The following ANK3 variants were observed in gnomAD, a reference collection of about 807,000 sequenced individuals.
The protein encoded by ANK3 is ankyrin 3.
A neutral mutation model predicts 370.9 loss-of-function variants in ANK3; 57 were observed. The observed-to-expected ratio is 0.15, with a 90% confidence interval of 0.12 to 0.19. The LOEUF (loss-of-function observed/expected upper bound fraction) is 0.19. ANK3 is among the 10% of genes least tolerant of loss of function. ANK3 has a pLI of 1.00. For synonymous variants in ANK3, 1,929 were observed against 1,946.3 expected (o/e 0.99, Z 0.23); for missense variants, 4,439 against 5,302.1 (o/e 0.84, Z 5.06).
chr10:60,177,971 T>A (rs1217022755), intron 18 of ANK3, among the ~76,000 whole-genome samples: 1 of 152,350 alleles, frequency 6.6e-6, no homozygotes, highest in South Asian at 2.1e-4. Context: ...ATTCTTCATT[T>A]GGATTTCACA....
intron 28 of ANK3, among the ~76,000 whole-genome samples, chr10:60,103,650 A>T (rs564880201): frequency 6.6e-6 from 1 of 152,322 alleles, no homozygotes; most frequent in East Asian, 1.9e-4. Flanking sequence ...CTTCATTACT[A>T]TTAAGTTTAA....
intron 2 of ANK3, among the ~76,000 whole-genome samples, chr10:60,591,448 T>G (rs2077912630): frequency 6.6e-6 from 1 of 151,906 alleles, no homozygotes; most frequent in Non-Finnish European, 1.5e-5. Context: ...CAAGCAAATA[T>G]TCTTCAAATG....
chr10:60,305,331 T>C (rs548886690), intron 1 of ANK3, among the ~76,000 whole-genome samples: 75 of 152,160 alleles, frequency 4.9e-4, no homozygotes, highest in Non-Finnish European at 1.0e-3. Context: ...TCAGATCTTG[T>C]AGGCAGACCT....
Position 60,686,031 on chromosome 10 carries a change from C to A in ANK3, c.57+47232G>T, listed in dbSNP as rs56836396. Among the ~76,000 whole-genome samples the A allele has an allele frequency of 2.0e-3, 303 of 152,126 alleles. 1 individual carries two copies. Among genetic ancestry groups the A allele is most frequent in the African/African-American group, 6.9e-3 (288 of 41,512 alleles). ...CAAAATTGATCTATAAACTCAATTC[C>A]AATTAAAATAAAAATCGAATTTTTA... is the stretch of plus-strand genomic sequence containing the variant. On this transcript the variant is annotated intron_variant, in intron 1 of 43. Coordinates refer to the ANK3 transcript ENST00000373827.
chr10:60,320,106 C>A (rs929035472), intron 1 of ANK3, among the ~76,000 whole-genome samples: 9 of 152,218 alleles, frequency 5.9e-5, no homozygotes, highest in African/African-American at 2.2e-4. Context: ...AGGAGCTGGG[C>A]CTGTGCCTAA....
chr10:60,519,059 G>A (rs781743505), intron 2 of ANK3, among the ~76,000 whole-genome samples: 1 of 152,114 alleles, frequency 6.6e-6, no homozygotes, highest in African/African-American at 2.4e-5. Context: ...GGAGAGCACA[G>A]TAAGAGAATA....
chr10:60,464,127 A>G (rs1473001935), intron 2 of ANK3, among the ~76,000 whole-genome samples: 1 of 152,196 alleles, frequency 6.6e-6, no homozygotes, highest in African/African-American at 2.4e-5. Context: ...GTCTGCAGAG[A>G]GATAATAATG....
chr10:60,282,046 C>A (rs2098170806), intron 1 of ANK3, among the ~76,000 whole-genome samples: 1 of 152,114 alleles, frequency 6.6e-6, no homozygotes, highest in Non-Finnish European at 1.5e-5. Context: ...ACTAAATTAG[C>A]CACGCAAGGA....
At chr10:60,462,207 G>T (rs903770588) in intron 2 of ANK3, among the ~76,000 whole-genome samples, 1 of 150,080 alleles carries the variant, frequency 6.7e-6, no homozygotes, top group Non-Finnish European at 1.5e-5. Flanking sequence ...AAAAAAAAAA[G>T]GTTTGATAAA....
At chr10:60,168,534 CTTGTT>C (rs199694012) in intron 21 of ANK3, among the ~76,000 whole-genome samples, 1,825 of 152,178 alleles carry the variant, frequency 0.012, 41 homozygotes, top group African/African-American at 0.042. Flanking sequence ...TCAGACTTTC[CTTGTT>C]TTTTTAAAAA....
rs761185813 is a variant in ANK3, at chr10:60,389,588, G to A, written c.-50C>T. The A allele has an allele frequency of 1.3e-5, 21 of 1,605,900 alleles. No homozygotes were observed. The highest frequency in any genetic ancestry group is 1.7e-5 in the Non-Finnish European group (20 of 1,177,530). On this transcript the variant is annotated 5_prime_UTR_variant, in exon 1 of 44. Transcript: ENST00000280772. ...AGCACACACGGCTTCCTTGTAAAAG[G>A]TGATATCCTCAGGCACCTCTAATCA...
chr10:60,674,703 C>T (rs1564531232), intron 1 of ANK3, among the ~76,000 whole-genome samples: 2 of 152,170 alleles, frequency 1.3e-5, no homozygotes, highest in Non-Finnish European at 2.9e-5. Flanking sequence ...GACTATCCCC[C>T]AAAATGTATC....
chr10:60,080,589 G>A lies in ANK3; in HGVS notation c.4380C>T (p.Phe1460=), dbSNP rs75052415. Residue 1460 remains phenylalanine, a synonymous_variant, in exon 36 of 44, where the codon TTC becomes TTT. Coordinates refer to ENST00000280772, the MANE Select transcript of ANK3 (RefSeq NM_020987.5). ...EIEKTDRRQS[F]ASLALRKRYS... ...AGCGCTTACGTAAAGCTAAGGATGC[G>A]AAGCTCTGTCGTCTATCTGTTTTCT... 7,417 of 1,604,872 alleles carry A rather than the reference G, an allele frequency of 4.6e-3. 305 individuals carry two copies. In the East Asian group the frequency reaches 0.11, roughly 24 times the overall value.
chr10:60,111,280 C>T (rs980198524), intron 26 of ANK3, among the ~76,000 whole-genome samples: 3 of 152,190 alleles, frequency 2.0e-5, no homozygotes, highest in African/African-American at 4.8e-5. Flanking sequence ...GAGTCTCTTT[C>T]TCTGTGTTCT....
At chr10:60,461,698 A>G (rs2064888171) in intron 2 of ANK3, among the ~76,000 whole-genome samples, 1 of 152,194 alleles carries the variant, frequency 6.6e-6, no homozygotes, top group East Asian at 1.9e-4. Flanking sequence ...CTATTATTTG[A>G]ACGGCTTAGT....
At position 60,668,681 on chromosome 10, in the gene ANK3, T is replaced by A. The variant is rs187323281; in HGVS notation, c.58-53457A>T. ...CTCAGCTGTTACCCTCCAGAAAGCTTTGTCCAAGATTCTTTAAAAATTCTT... is the reference window on the plus strand; with the variant it reads ...CTCAGCTGTTACCCTCCAGAAAGCTATGTCCAAGATTCTTTAAAAATTCTT... On this transcript the variant is annotated intron_variant, in intron 1 of 43. Coordinates refer to the ANK3 transcript ENST00000373827. 1.2e-4 allele frequency among the ~76,000 whole-genome samples: 19 copies of A among 152,176 alleles called. No individual in the cohort carries two copies. In the East Asian group the frequency reaches 3.3e-3, roughly 26 times the overall value.
At chr10:60,270,077 C>T (rs2097946305) in intron 5 of ANK3, 54 bp downstream of exon 5, 1 of 1,250,364 alleles carries the variant, frequency 8.0e-7, no homozygotes, top group Non-Finnish European at 1.1e-6. Flanking sequence ...TCCAGGTTTT[C>T]AAAATGCCCT....
intron 1 of ANK3, among the ~76,000 whole-genome samples, chr10:60,660,216 C>A (rs2078918053): frequency 6.6e-6 from 1 of 152,138 alleles, no homozygotes; most frequent in African/African-American, 2.4e-5. Context: ...CACTGAAGCT[C>A]CTACCACATG....
At chr10:60,304,611 C>T (rs1214300053) in intron 1 of ANK3, among the ~76,000 whole-genome samples, 2 of 151,992 alleles carry the variant, frequency 1.3e-5, no homozygotes, top group Non-Finnish European at 2.9e-5. Flanking sequence ...CCATCACACT[C>T]TAGCCTGGGT....
Sources: gnomAD v4.1 joint callset for allele counts (sites outside exome capture counted in the v4.1 genomes callset) on GRCh38, gnomAD v4.1.1 for gene constraint, MANE v1.5 for transcripts, NCBI Gene and HGNC (gene_info 2026-07-23, HGNC 2026-07-21) for gene names.